Variants in CEP164 observed in about 807,000 individuals in gnomAD.
The protein encoded by CEP164 is centrosomal protein 164, also known as centrosomal protein of 164 kDa.
In CEP164, 162 loss-of-function variants were observed where a neutral mutation model predicts 182.7. That is an observed-to-expected ratio of 0.89 (90% CI 0.78 to 1.01). The LOEUF is 1.01. Ranked by LOEUF, CEP164 falls within the 50% of genes least tolerant of loss-of-function variation. The pLI is 0.00. For synonymous variants in CEP164, 661 were observed against 690.0 expected (o/e 0.96, Z 0.66); for missense variants, 1,735 against 1,790.4 (o/e 0.97, Z 0.56).
intron 9 of CEP164, 98 bp downstream of exon 9, chr11:117,371,564 T>C: frequency 7.0e-7 from 1 of 1,426,600 alleles, no homozygotes. Flanking sequence ...TATTACTGAG[T>C]CAGGAGCTTC....
rs954636572 is a variant in CEP164, at chr11:117,395,927, T to C, written c.3090-127T>C. On this transcript the variant is annotated intron_variant, in intron 24 of 32. Transcript: ENST00000278935. ...AGGGGATCTCTGGTGCTATTGTTCG[T>C]GCCTGAGCCCTTCCTCAGGGACTTT... The C allele has an allele frequency of 7.3e-6, 10 of 1,371,578 alleles. No individual in the cohort carries two copies. In the African/African-American group the frequency reaches 1.3e-4, roughly 18 times the overall value. 85.0% of individuals were successfully genotyped at this position (1,371,578 alleles called of 1,614,324 possible).
rs2047296877 is a variant in CEP164, at chr11:117,411,069, C to T, written c.4163+175C>T. The T allele has an allele frequency of 3.5e-5, 21 of 600,154 alleles. No homozygotes were observed. In the South Asian group the frequency reaches 4.2e-4, roughly 12 times the overall value. 37.2% of individuals were successfully genotyped at this position (600,154 alleles called of 1,614,324 possible). On this transcript the variant is annotated intron_variant, in intron 31 of 32. Transcript: ENST00000278935. The surrounding 1 kb of genome is among the most constrained non-coding windows in gnomAD (Gnocchi z 4.4). ...CTTGCCTGGGTCTGAGGCGCCCCTCCATGACCAGGGGAAAGTCAAGTTCAC... is the reference window on the plus strand; with the variant it reads ...CTTGCCTGGGTCTGAGGCGCCCCTCTATGACCAGGGGAAAGTCAAGTTCAC...
rs149281923 is a variant in CEP164 at position 117,351,832 on chromosome 11, C to T, written c.237C>T (p.Asn79=). The T allele has an allele frequency of 5.6e-5, 91 of 1,613,656 alleles. 1 individual carries two copies. The Middle Eastern group carries it at 1.3e-3, about 23-fold the overall frequency. Residue 79 remains asparagine (N), a synonymous_variant, in exon 5 of 33, where the codon AAC becomes AAT. Transcript: ENST00000278935. The part of the protein sequence containing the change: ...TGDIYYFNFA[N]GQSMWDHPCD... Reference sequence around the variant, plus strand: ...ACATTTACTATTTCAACTTCGCCAACGGGCAGTCTATGTGGGACCATCCAT... The same window carrying T: ...ACATTTACTATTTCAACTTCGCCAATGGGCAGTCTATGTGGGACCATCCAT...
Position 117,411,796 on chromosome 11 carries a change from G to T in CEP164, c.4165G>T (p.Glu1389Ter). ...ESRLGYMSAS[E>*]QLRLLQHSHS... ...CCATGCTCTCCTCTTCCTTCCCAGT[G>T]AGCAGCTCCGGCTCCTACAGCACTC... The change falls in exon 32 of 33, where the codon GAG becomes TAG. Residue 1389 changes from glutamate (E) to a stop codon, truncating the protein, a stop_gained and splice_region_variant. Transcript: ENST00000278935. LOFTEE classifies it high-confidence loss of function. The surrounding 1 kb of genome is among the most constrained non-coding windows in gnomAD (Gnocchi z 4.4). The T allele has an allele frequency of 6.2e-7, 1 of 1,614,116 alleles. No homozygotes were observed. Among genetic ancestry groups the T allele is most frequent in the South Asian group, 1.1e-5 (1 of 91,058 alleles).
At chr11:117,392,110 A>G (rs2044727432) in intron 17 of CEP164, 116 bp from the exon 18 acceptor site, 3 of 783,182 alleles carry the variant, frequency 3.8e-6, no homozygotes, top group Non-Finnish European at 5.8e-6. Context: ...GTGCTTCCCC[A>G]TGCTTCCCTT....
At chr11:117,355,900 T>C (rs535366) in intron 5 of CEP164, 220,590 of 1,034,894 alleles carry the variant, frequency 0.21, 24,801 homozygotes, top group South Asian at 0.31. Flanking sequence ...TAGGGAGGGC[T>C]CCCGAGGAGC....
intron 27 of CEP164, among the ~76,000 whole-genome samples, chr11:117,398,318 C>A (rs191910781): frequency 1.9e-4 from 29 of 152,326 alleles, no homozygotes; most frequent in Admixed American, 1.0e-3. Context: ...AGAAGGCAAA[C>A]CCTTCCCAGC....
chr11:117,400,390 C>T (rs1372845464), intron 27 of CEP164, among the ~76,000 whole-genome samples: 3 of 152,124 alleles, frequency 2.0e-5, no homozygotes, highest in African/African-American at 7.2e-5. Context: ...TTACTGTAGC[C>T]TTGTAGTATC....
At chr11:117,379,852 CTTTTTTTTTTTT>C (rs58534321) in intron 11 of CEP164, among the ~76,000 whole-genome samples, 6 of 116,918 alleles carry the variant, frequency 5.1e-5, no homozygotes, top group Admixed American at 4.6e-4. Flanking sequence ...ATAGTTCTTC[CTTTTTTTTTTTT>C]TTTTTTTTTT....
Position 117,394,421 on chromosome 11 carries a change from A to G in CEP164, c.2688A>G (p.Glu896=), listed in dbSNP as rs748162459. 12 of 1,613,792 alleles carry G rather than the reference A, an allele frequency of 7.4e-6. No homozygotes were observed. The South Asian group carries it at 1.3e-4, about 18-fold the overall frequency. The change falls in exon 21 of 33, where the codon GAA becomes GAG. Residue 896 remains glutamate, a synonymous_variant. Coordinates refer to ENST00000278935, the MANE Select transcript of CEP164 (RefSeq NM_014956.5). The surrounding 1 kb of genome is among the most constrained non-coding windows in gnomAD (Gnocchi z 4.0). ...TGGAGCGCCTGCAGAGGGCCCATGA[A>G]CGAGAACTGGAGACTGTGAGGCAGG... ...GELERLQRAH[E]RELETVRQEQ...
intron 4 of CEP164, 106 bp from the exon 5 acceptor site, chr11:117,351,684 C>G: frequency 9.8e-6 from 10 of 1,016,710 alleles, no homozygotes; most frequent in South Asian, 1.6e-5. Context: ...ACCCCACTCT[C>G]TTCCTCCTCT....
chr11:117,411,774 T>A lies in CEP164; in HGVS notation c.4164-21T>A, dbSNP rs1329291944. 1.1e-5 allele frequency: 18 copies of A among 1,613,798 alleles called. No individual in the cohort carries two copies. Among genetic ancestry groups the A allele is most frequent in the African/African-American group, 4.0e-5 (3 of 74,938 alleles). Reference sequence around the variant, plus strand: ...CCGCGCCTCCTCTCTCCCCTCGCCATGCTCTCCTCTTCCTTCCCAGTGAGC... The same window carrying A: ...CCGCGCCTCCTCTCTCCCCTCGCCAAGCTCTCCTCTTCCTTCCCAGTGAGC... On this transcript the variant is annotated intron_variant, in intron 31 of 32. Coordinates refer to ENST00000278935, the MANE Select transcript of CEP164 (RefSeq NM_014956.5). The surrounding 1 kb of genome is among the most constrained non-coding windows in gnomAD (Gnocchi z 4.4).
At position 117,370,943 on chromosome 11, in the gene CEP164, G is replaced by A. The variant is rs2135909417; in HGVS notation, c.766-137G>A. The stretch of plus-strand genomic sequence containing the variant: ...TAAAAAAAAAAATTAACAACTGGGT[G>A]ATTGATAACCATTGGGGCAGAACTC... On this transcript the variant is annotated intron_variant, in intron 8 of 32. Transcript: ENST00000278935. 1.5e-5 allele frequency: 13 copies of A among 846,610 alleles called. 1 individual carries two copies. The South Asian group carries it at 3.0e-4, about 20-fold the overall frequency. 52.4% of individuals were successfully genotyped at this position (846,610 alleles called of 1,614,324 possible). A position where few individuals can be genotyped will look rare whatever the true frequency, so the allele number is the denominator to read the frequency against.
At chr11:117,403,709 A>T (rs901590452) in intron 27 of CEP164, among the ~76,000 whole-genome samples, 2 of 152,182 alleles carry the variant, frequency 1.3e-5, no homozygotes, top group South Asian at 4.1e-4. Context: ...CTGTCCTGCT[A>T]GGTTGGGGAA....
intron 10 of CEP164, 91 bp from the exon 11 acceptor site, chr11:117,375,617 T>C: frequency 2.0e-6 from 2 of 984,920 alleles, no homozygotes; most frequent in East Asian, 2.4e-5. Flanking sequence ...TAGACATCTT[T>C]CTGGAAAGTG....
At position 117,394,594 on chromosome 11, in the gene CEP164, G is replaced by C. The variant is rs2045184974; in HGVS notation, c.2760+101G>C. The C allele has an allele frequency of 4.6e-5, 66 of 1,448,580 alleles. No individual in the cohort carries two copies. The South Asian group carries it at 8.6e-4, about 19-fold the overall frequency. The allele number at this position is 1,448,580 out of a possible 1,614,324, so 89.7% of individuals were successfully genotyped here. A position where few individuals can be genotyped will look rare whatever the true frequency, so the allele number is the denominator to read the frequency against. Reference sequence around the variant, plus strand: ...GGCCCCAGCAGGATGCAGCCTGACAGCTTCTGGAGTGAGAGTCTCTCACTG... The same window carrying C: ...GGCCCCAGCAGGATGCAGCCTGACACCTTCTGGAGTGAGAGTCTCTCACTG... On this transcript the variant is annotated intron_variant, in intron 21 of 32. Transcript: ENST00000278935. This position sits in a 1 kb window ranked among gnomAD's most constrained non-coding sequence, Gnocchi z 4.0.
intron 11 of CEP164, among the ~76,000 whole-genome samples, chr11:117,379,201 T>C (rs1333553282): frequency 6.6e-6 from 1 of 152,212 alleles, no homozygotes; most frequent in Non-Finnish European, 1.5e-5. Context: ...GCCCTTCTGC[T>C]ACAGGCACCG....
rs990065308 is a variant in CEP164 at position 117,392,224 on chromosome 11, A to G, written c.2284-2A>G. 1 of 1,597,650 alleles carries G rather than the reference A, an allele frequency of 6.3e-7. No individual in the cohort carries two copies. ...ACTCACAGTCCCTTTGCTCCTCCCC[A>G]GGCTGTGGCAACGCTGGAGAAGGAG... On this transcript the variant is annotated splice_acceptor_variant, in intron 17 of 32. Coordinates refer to ENST00000278935, the MANE Select transcript of CEP164 (RefSeq NM_014956.5). LOFTEE classifies it high-confidence loss of function.
At chr11:117,355,137 C>T (rs2040164924) in intron 5 of CEP164, 1 of 1,289,856 alleles carries the variant, frequency 7.8e-7, no homozygotes. Flanking sequence ...AAGCTGCAGC[C>T]ACTCTCCAAA....
Sources: allele counts gnomAD v4.1 joint callset (sites outside exome capture counted in the v4.1 genomes callset), GRCh38; gene constraint gnomAD v4.1.1; non-coding constraint Gnocchi (gnomAD v3.1); transcripts MANE v1.5; gene names NCBI Gene and HGNC (gene_info 2026-07-23, HGNC 2026-07-21).